The following FHIT variants were observed in gnomAD, a reference collection of about 807,000 sequenced individuals.
The protein encoded by FHIT is fragile histidine triad diadenosine triphosphatase.
FHIT carries 19 observed loss-of-function variants against 17.9 expected under a neutral mutation model. The ratio of observed to expected loss-of-function variants is 1.06; its 90% confidence interval spans 0.74 to 1.56. The LOEUF (loss-of-function observed/expected upper bound fraction) is 1.56, where lower values mean the gene tolerates loss of function less well. Ranked by LOEUF, FHIT falls within the 40% of genes most tolerant of loss-of-function variation. The pLI, the probability that FHIT is intolerant of heterozygous loss-of-function variation, is 0.00. For missense variants in FHIT, 248 were observed against 189.2 expected, an observed-to-expected ratio of 1.31 and a Z score of -1.82; for synonymous variants, 81 against 69.7, an observed-to-expected ratio of 1.16 and a Z score of -0.81.
At chr3:60,546,281 T>TTC (rs1450827215) in intron 4 of FHIT, among the ~76,000 whole-genome samples, 16 of 152,340 alleles carry the variant, frequency 1.1e-4, no homozygotes, top group African/African-American at 3.1e-4. Flanking sequence ...AGTCTGGTTT[T>TTC]TCTCTCCCCA....
chr3:61,246,845 C>T (rs1171604162), intron 1 of FHIT, among the ~76,000 whole-genome samples: 1 of 151,978 alleles, frequency 6.6e-6, no homozygotes, highest in African/African-American at 2.4e-5. Context: ...ACATGTATCC[C>T]AGAACTTAAA....
intron 4 of FHIT, among the ~76,000 whole-genome samples, chr3:60,690,922 C>A (rs2107885003): frequency 6.6e-6 from 1 of 152,014 alleles, no homozygotes; most frequent in Admixed American, 6.5e-5. Flanking sequence ...GGTTTTATAG[C>A]AATATTTTGT....
chr3:60,226,493 A>ATAAAAAAAAAAAAAAAAAC (rs1553717001), intron 5 of FHIT, among the ~76,000 whole-genome samples: 1 of 147,058 alleles, frequency 6.8e-6, no homozygotes, highest in African/African-American at 2.7e-5. Flanking sequence ...AAAAAAAAAA[A>ATAAAAAAAAAAAAAAAAAC]ACACTGCCTG....
At chr3:60,951,854 T>A (rs1708898971) in intron 3 of FHIT, among the ~76,000 whole-genome samples, 1 of 152,130 alleles carries the variant, frequency 6.6e-6, no homozygotes, top group African/African-American at 2.4e-5. Flanking sequence ...AAAGGTCTCT[T>A]TGAGTGGGGC....
chr3:60,748,990 C>T (rs1487950805), intron 4 of FHIT, among the ~76,000 whole-genome samples: 1 of 151,858 alleles, frequency 6.6e-6, no homozygotes, highest in Non-Finnish European at 1.5e-5. Context: ...GTTAATTGAA[C>T]CTCAGATATG....
At chr3:61,242,564 G>A (rs564012538) in intron 1 of FHIT, among the ~76,000 whole-genome samples, 1 of 152,224 alleles carries the variant, frequency 6.6e-6, no homozygotes, top group South Asian at 2.1e-4. Context: ...CTGCCCAGAT[G>A]GTTTATCCAG....
At chr3:60,341,468 A>C (rs1006902) in intron 5 of FHIT, among the ~76,000 whole-genome samples, 58,331 of 151,886 alleles carry the variant, frequency 0.38, 12,153 homozygotes, top group South Asian at 0.64. Flanking sequence ...GGATTGAATG[A>C]GAAAAATGTG....
chr3:60,242,606 C>T (rs1381530429), intron 5 of FHIT, among the ~76,000 whole-genome samples: 1 of 152,014 alleles, frequency 6.6e-6, no homozygotes. Flanking sequence ...GCTTAGATAA[C>T]TCCAATACCT....
intron 8 of FHIT, among the ~76,000 whole-genome samples, chr3:59,870,372 G>C (rs908817419): frequency 2.6e-5 from 4 of 152,328 alleles, no homozygotes; most frequent in Admixed American, 1.3e-4. Flanking sequence ...AGCTCAGGTA[G>C]TCTCATATTT....
At chr3:60,372,114 AC>A (rs990529310) in intron 5 of FHIT, among the ~76,000 whole-genome samples, 106 of 152,234 alleles carry the variant, frequency 7.0e-4, no homozygotes, top group African/African-American at 2.4e-3. Context: ...ATGTACTTTT[AC>A]CCAAATGGTC....
At chr3:61,046,724 T>C (rs879693548) in intron 2 of FHIT, among the ~76,000 whole-genome samples, 2 of 152,076 alleles carry the variant, frequency 1.3e-5, no homozygotes, top group Non-Finnish European at 1.5e-5. Flanking sequence ...CCTGATGAAC[T>C]TCGATGCAAA....
intron 5 of FHIT, among the ~76,000 whole-genome samples, chr3:60,111,785 T>A (rs963468950): frequency 6.6e-6 from 1 of 152,222 alleles, no homozygotes; most frequent in Non-Finnish European, 1.5e-5. Flanking sequence ...CTCAGCTTTG[T>A]ATCCACATAC....
chr3:60,280,206 T>C (rs963523155), intron 5 of FHIT, among the ~76,000 whole-genome samples: 5 of 152,098 alleles, frequency 3.3e-5, no homozygotes, highest in Admixed American at 1.3e-4. Flanking sequence ...AAACTAGGAA[T>C]AGATGAAACT....
intron 5 of FHIT, among the ~76,000 whole-genome samples, chr3:60,279,646 G>A (rs149272053): frequency 1.7e-3 from 255 of 152,166 alleles, no homozygotes; most frequent in Middle Eastern, 3.4e-3. Flanking sequence ...TATCGCTCGT[G>A]AACATGATAT....
intron 5 of FHIT, among the ~76,000 whole-genome samples, chr3:60,027,156 GT>G (rs1700787610): frequency 9.0e-6 from 1 of 110,834 alleles, no homozygotes; most frequent in Non-Finnish European, 1.9e-5. Context: ...CACAAAATTA[GT>G]AAACCCAATA....
chr3:60,450,728 T>A (rs1228574695), intron 5 of FHIT, among the ~76,000 whole-genome samples: 1 of 151,962 alleles, frequency 6.6e-6, no homozygotes, highest in African/African-American at 2.4e-5. Flanking sequence ...TAATGGAAAA[T>A]CATTTGATAT....
chr3:59,762,687 A>G lies in FHIT; in HGVS notation c.349-10366T>C, dbSNP rs570654105. ...ATAGAAAGCAAAACTAACACTGCAA[A>G]TAGGGATCAACCTCTAAGCCCGGAG... On this transcript the variant is annotated intron_variant, in intron 8 of 9. Coordinates refer to ENST00000492590, the MANE Select transcript of FHIT (RefSeq NM_002012.4). 2.0e-5 allele frequency among the ~76,000 whole-genome samples: 3 copies of G among 152,362 alleles called. No individual in the cohort carries two copies. The East Asian group carries it at 5.8e-4, about 29-fold the overall frequency.
intron 4 of FHIT, among the ~76,000 whole-genome samples, chr3:60,576,514 T>C (rs782160790): frequency 2.0e-5 from 3 of 152,204 alleles, no homozygotes; most frequent in Non-Finnish European, 4.4e-5. Context: ...TAAAAAAATC[T>C]GGGACAATCC....
At chr3:60,565,662 A>T (rs2037108991) in intron 4 of FHIT, among the ~76,000 whole-genome samples, 1 of 152,220 alleles carries the variant, frequency 6.6e-6, no homozygotes, top group South Asian at 2.1e-4. Flanking sequence ...AAAGTTTGTG[A>T]TTGGCAATAA....
Sources: gnomAD v4.1 joint callset for allele counts (sites outside exome capture counted in the v4.1 genomes callset) on GRCh38, gnomAD v4.1.1 for gene constraint, MANE v1.5 for transcripts, NCBI Gene and HGNC (gene_info 2026-07-23, HGNC 2026-07-21) for gene names.